The following GYPC variants were observed in gnomAD, a reference collection of about 807,000 sequenced individuals.
GYPC encodes glycophorin-C.
A neutral mutation model predicts 12.6 loss-of-function variants in GYPC; 14 were observed. The observed-to-expected ratio is 1.11, with a 90% CI of 0.74 to 1.74. The LOEUF is 1.74. Among genes scored for constraint, GYPC ranks in the 40% most tolerant of loss-of-function variants. GYPC has a pLI of 0.00. For synonymous variants in GYPC, 78 were observed against 62.1 expected, an observed-to-expected ratio of 1.26 and a Z score of -1.20; for missense variants, 225 against 172.1, an observed-to-expected ratio of 1.31 and a Z score of -1.72.
rs753137820 is a variant in GYPC at position 126,696,190 on chromosome 2, G to T, written c.*48G>T. 9 of 1,363,454 alleles carry T rather than the reference G, an allele frequency of 6.6e-6. No individual in the cohort carries two copies. The highest frequency in any genetic ancestry group is 9.4e-6 in the Non-Finnish European group (9 of 956,710). The allele number at this position is 1,363,454 out of a possible 1,614,324, so 84.5% of individuals were successfully genotyped here. On this transcript the variant is annotated 3_prime_UTR_variant, in exon 4 of 4. Transcript: ENST00000259254. ...TGAATGCCTCCCCCATCTCCATCAGGAAAAATACACCCCATCGCCCAGCAC... is the reference window on the plus strand; with the variant it reads ...TGAATGCCTCCCCCATCTCCATCAGTAAAAATACACCCCATCGCCCAGCAC...
At chr2:126,681,614 T>C (rs1433036340) in intron 1 of GYPC, among the ~76,000 whole-genome samples, 1 of 151,866 alleles carries the variant, frequency 6.6e-6, no homozygotes, top group Non-Finnish European at 1.5e-5. Flanking sequence ...ATAATTAATA[T>C]TCAAATAGCC....
chr2:126,692,818 TG>T (rs28387216), intron 2 of GYPC, among the ~76,000 whole-genome samples: 3,939 of 152,212 alleles, frequency 0.026, 77 homozygotes, highest in African/African-American at 0.059. Context: ...ACAGGAGCCC[TG>T]GGAAGGGCTT....
intron 1 of GYPC, chr2:126,678,454 C>T (rs1327702679): frequency 6.6e-6 from 1 of 152,428 alleles, no homozygotes; most frequent in Non-Finnish European, 1.5e-5. Context: ...CTCCCCATCC[C>T]ACTGAGCCTG....
intron 1 of GYPC, among the ~76,000 whole-genome samples, chr2:126,676,682 G>A (rs1405381344): frequency 6.6e-6 from 1 of 152,190 alleles, no homozygotes; most frequent in Non-Finnish European, 1.5e-5. Flanking sequence ...TGGAGCAGGA[G>A]CTTGCCAGGG....
At chr2:126,686,172 G>A in intron 1 of GYPC, 1 of 985,404 alleles carries the variant, frequency 1.0e-6, no homozygotes, top group Non-Finnish European at 1.2e-6. Flanking sequence ...GCTCTTGGTG[G>A]CAACAGAGGA....
Position 126,696,110 on chromosome 2 carries a change from G to A in GYPC, c.355G>A (p.Gly119Ser), listed in dbSNP as rs998186066. The stretch of plus-strand genomic sequence containing the variant: ...GGGAGACCCTGCCCTCCAAGATGCT[G>A]GTGATAGCAGCAGAAAGGAGTACTT... ...LQGDPALQDAGDSSRKEYFI is the reference protein window; with the variant it reads ...LQGDPALQDASDSSRKEYFI The change falls in exon 4 of 4, where the codon GGT becomes AGT. Residue 119 changes from glycine to serine, a missense_variant. Gly to Ser is a moderately conservative substitution (Grantham distance 56). Coordinates refer to ENST00000259254, the MANE Select transcript of GYPC (RefSeq NM_002101.5). The A allele has an allele frequency of 3.7e-6, 6 of 1,613,952 alleles. No individual in the cohort carries two copies. The highest frequency in any genetic ancestry group is 1.7e-5 in the Admixed American group (1 of 60,016).
intron 2 of GYPC, among the ~76,000 whole-genome samples, chr2:126,693,597 A>G (rs1223011674): frequency 1.3e-5 from 2 of 152,174 alleles, no homozygotes; most frequent in African/African-American, 4.8e-5. Flanking sequence ...CTCTCAGTGC[A>G]GGCATTAGGC....
chr2:126,694,383 C>G, intron 3 of GYPC, among the ~76,000 whole-genome samples: 1 of 152,104 alleles, frequency 6.6e-6, no homozygotes, highest in Non-Finnish European at 1.5e-5. Flanking sequence ...TGCTTTGAAC[C>G]CTGGGCAAGG....
At chr2:126,692,361 T>C (rs1303931809) in intron 2 of GYPC, among the ~76,000 whole-genome samples, 1 of 152,130 alleles carries the variant, frequency 6.6e-6, no homozygotes, top group East Asian at 1.9e-4. Context: ...GGAGTCTGTT[T>C]TCCCCTCACC....
chr2:126,694,855 C>A (rs1450525292), intron 3 of GYPC, among the ~76,000 whole-genome samples: 3 of 151,354 alleles, frequency 2.0e-5, no homozygotes, highest in Non-Finnish European at 2.9e-5. Flanking sequence ...CAAAACACCC[C>A]CACCCCATGA....
intron 2 of GYPC, among the ~76,000 whole-genome samples, chr2:126,693,358 C>T (rs1201198786): frequency 2.0e-5 from 3 of 152,166 alleles, no homozygotes; most frequent in Admixed American, 6.6e-5. Flanking sequence ...GAGGCCCTCA[C>T]CAGATGCAGC....
At chr2:126,678,993 A>C (rs895310611) in intron 1 of GYPC, 1 of 152,236 alleles carries the variant, frequency 6.6e-6, no homozygotes, top group African/African-American at 2.4e-5. Flanking sequence ...ACCCAATAAC[A>C]AAGCGTACCT....
chr2:126,687,458 C>T (rs1683323416), intron 1 of GYPC, among the ~76,000 whole-genome samples: 1 of 152,202 alleles, frequency 6.6e-6, no homozygotes, highest in Non-Finnish European at 1.5e-5. Flanking sequence ...TTGAGAATTG[C>T]TGTCTCACAG....
At chr2:126,681,803 G>GA (rs1480693726) in intron 1 of GYPC, among the ~76,000 whole-genome samples, 308 of 149,750 alleles carry the variant, frequency 2.1e-3, no homozygotes, top group Non-Finnish European at 3.9e-3. Context: ...AAGAAAGAAA[G>GA]AAAGAAAAGA....
At chr2:126,664,796 T>C (rs1682632461) in intron 1 of GYPC, among the ~76,000 whole-genome samples, 1 of 152,190 alleles carries the variant, frequency 6.6e-6, no homozygotes, top group Admixed American at 6.5e-5. Context: ...CTCCTCTACG[T>C]TGGCAGTCCT....
intron 1 of GYPC, among the ~76,000 whole-genome samples, chr2:126,667,030 ACT>A (rs1207399022): frequency 1.3e-5 from 2 of 152,030 alleles, no homozygotes; most frequent in African/African-American, 4.8e-5. Flanking sequence ...TATTTTTAGG[ACT>A]CTGTTCCCAC....
chr2:126,692,563 A>G (rs1659998), intron 2 of GYPC, among the ~76,000 whole-genome samples: 15 of 152,200 alleles, frequency 9.9e-5, no homozygotes, highest in South Asian at 2.1e-4. Context: ...CTATGTTAAC[A>G]CTGATATTTC....
At chr2:126,691,506 G>A (rs1683462790) in intron 2 of GYPC, among the ~76,000 whole-genome samples, 1 of 152,148 alleles carries the variant, frequency 6.6e-6, no homozygotes, top group Non-Finnish European at 1.5e-5. Flanking sequence ...ATCGCCAGGA[G>A]GGAATGGGAG....
intron 1 of GYPC, among the ~76,000 whole-genome samples, chr2:126,665,219 C>T (rs1424384692): frequency 6.6e-6 from 1 of 152,046 alleles, no homozygotes; most frequent in Non-Finnish European, 1.5e-5. Context: ...CTGATCTGAG[C>T]TTTCAGTTAC....
Sources: allele counts gnomAD v4.1 joint callset (sites outside exome capture counted in the v4.1 genomes callset), GRCh38; gene constraint gnomAD v4.1.1; transcripts MANE v1.5; gene names NCBI Gene and HGNC (gene_info 2026-07-23, HGNC 2026-07-21).